The following LRRIQ1 variants were observed in gnomAD, a reference collection of about 807,000 sequenced individuals.
LRRIQ1 encodes leucine rich repeats and IQ motif containing 1.
A neutral mutation model predicts 211.9 loss-of-function variants in LRRIQ1; 210 were observed. The observed-to-expected ratio is 0.99, with a 90% CI of 0.89 to 1.11. The LOEUF (loss-of-function observed/expected upper bound fraction) is 1.11. Ranked by LOEUF, LRRIQ1 falls within the 50% of genes most tolerant of loss-of-function variation. The pLI, the probability that LRRIQ1 is intolerant of heterozygous loss-of-function variation, is 0.00. For synonymous variants in LRRIQ1, 699 were observed against 650.1 expected (o/e 1.08, Z -1.14); for missense variants, 2,136 against 1,939.5 (o/e 1.10, Z -1.90).
chr12:85,192,275 G>A (rs999922541), intron 24 of LRRIQ1, among the ~76,000 whole-genome samples: 7 of 149,472 alleles, frequency 4.7e-5, no homozygotes, highest in Non-Finnish European at 7.4e-5. Flanking sequence ...TTCTGTTCCT[G>A]TGTTAGTTTG....
intron 11 of LRRIQ1, among the ~76,000 whole-genome samples, chr12:85,086,261 C>G (rs3913013): frequency 0.22 from 33,261 of 151,846 alleles, 4,273 homozygotes; most frequent in Admixed American, 0.31. Flanking sequence ...TTGTTCCTAC[C>G]CAAATCTCAT....
intron 15 of LRRIQ1, among the ~76,000 whole-genome samples, chr12:85,109,700 T>C (rs2136339720): frequency 6.6e-6 from 1 of 152,272 alleles, no homozygotes; most frequent in African/African-American, 2.4e-5. Context: ...AACCTAGGAA[T>C]GGTGTTCAGT....
At chr12:85,096,235 T>A (rs1885868613) in intron 11 of LRRIQ1, among the ~76,000 whole-genome samples, 1 of 152,160 alleles carries the variant, frequency 6.6e-6, no homozygotes, top group Non-Finnish European at 1.5e-5. Context: ...GTATTCTAGT[T>A]CCAGTAGGCA....
In LRRIQ1 at chr12:85,104,053, G is replaced by C; in HGVS notation, c.3259G>C (p.Asp1087His). The C allele has an allele frequency of 6.4e-7, 1 of 1,560,026 alleles. No individual in the cohort carries two copies. Among genetic ancestry groups the C allele is most frequent in the Non-Finnish European group, 8.7e-7 (1 of 1,152,436 alleles). ...LFHFVSLEKL[D>H]VSHNCLSDLK... ...TCATTTTGTTTCATTGGAAAAGCTA[G>C]ATGTCAGCCACAATTGTCTTTCTGG... The change falls in exon 14 of 27, where the codon GAT becomes CAT. Residue 1087 changes from aspartate (D) to histidine (H), a missense_variant. Asp to His is a moderately conservative substitution (Grantham distance 81, BLOSUM62 -1). Transcript: ENST00000393217.
intron 24 of LRRIQ1, among the ~76,000 whole-genome samples, chr12:85,201,561 T>C (rs1021686471): frequency 6.6e-6 from 1 of 152,130 alleles, no homozygotes; most frequent in African/African-American, 2.4e-5. Flanking sequence ...GTAGGTTTTC[T>C]AGTTTGTGTG....
rs1418522341 is a variant in LRRIQ1 at position 85,055,981 on chromosome 12, A to G, written c.1188A>G (p.Ile396Met). ...LREDASQQLI[I>M]SSALKKSGYN... ...AAGATGCAAGCCAACAGCTAATAAT[A>G]AGTAGTGCATTAAAGAAGAGCGGAT... Residue 396 changes from isoleucine to methionine, a missense_variant, in exon 8 of 27, where the codon ATA (isoleucine) becomes ATG (methionine). Ile to Met is a conservative substitution (Grantham distance 10, BLOSUM62 1). Coordinates refer to ENST00000393217, the MANE Select transcript of LRRIQ1 (RefSeq NM_001079910.2). 30 of 1,609,598 alleles carry G rather than the reference A, an allele frequency of 1.9e-5. No individual in the cohort carries two copies. Among genetic ancestry groups the G allele is most frequent in the Non-Finnish European group, 2.3e-5 (27 of 1,177,942 alleles).
chr12:85,241,286 T>C (rs943076973), intron 26 of LRRIQ1, among the ~76,000 whole-genome samples: 2 of 152,054 alleles, frequency 1.3e-5, no homozygotes, highest in Non-Finnish European at 1.5e-5. Context: ...ATGTACATTA[T>C]GTCTTTTAAA....
At position 85,104,019 on chromosome 12, in the gene LRRIQ1, A is replaced by C; in HGVS notation, c.3225A>C (p.Val1075=). The change falls in exon 14 of 27, where the codon GTA becomes GTC. Residue 1075 remains valine, a synonymous_variant. Coordinates refer to ENST00000393217, the MANE Select transcript of LRRIQ1 (RefSeq NM_001079910.2). The part of the protein sequence containing the change: ...TISQNSLTKI[V]PLFHFVSLEK... ...TTGTTTTCAGCTTGACTAAAATCGT[A>C]CCACTTTTTCATTTTGTTTCATTGG... 1 of 1,567,970 alleles carries C rather than the reference A, an allele frequency of 6.4e-7. No individual in the cohort carries two copies. Among genetic ancestry groups the C allele is most frequent in the Non-Finnish European group, 8.6e-7 (1 of 1,157,008 alleles).
rs1161443022 is a variant in LRRIQ1 at position 85,056,402 on chromosome 12, G to A, written c.1609G>A (p.Glu537Lys). ...AGAATTAAAGTCTGATGCACAAAAA[G>A]AAGAAAAAATCATGAAACATGTCAT... ...LQELKSDAQK[E>K]EKIMKHVINE... The change falls in exon 8 of 27, where the codon GAA (glutamate) becomes AAA (lysine). Residue 537 changes from glutamate (E) to lysine (K), a missense_variant. Coordinates refer to ENST00000393217, the MANE Select transcript of LRRIQ1 (RefSeq NM_001079910.2). 6.3e-7 allele frequency: 1 copy of A among 1,586,820 alleles called. No individual in the cohort carries two copies. The highest frequency in any genetic ancestry group is 8.5e-7 in the Non-Finnish European group (1 of 1,172,852).
chr12:85,233,831 A>G (rs910437634), intron 26 of LRRIQ1, among the ~76,000 whole-genome samples: 1 of 152,304 alleles, frequency 6.6e-6, no homozygotes, highest in African/African-American at 2.4e-5. Flanking sequence ...GGCCATTAAC[A>G]CTACACATAT....
intron 23 of LRRIQ1, among the ~76,000 whole-genome samples, chr12:85,154,556 G>T (rs1467967012): frequency 3.3e-5 from 5 of 151,158 alleles, no homozygotes; most frequent in Non-Finnish European, 7.4e-5. Flanking sequence ...TATATTTTAT[G>T]ATTTTGTAGG....
chr12:85,213,800 ATAAT>A (rs1893951148), intron 24 of LRRIQ1, among the ~76,000 whole-genome samples: 1 of 152,056 alleles, frequency 6.6e-6, no homozygotes, highest in South Asian at 2.1e-4. Context: ...GTAGACAACA[ATAAT>A]TAATGAAATA....
chr12:85,066,896 T>C lies in LRRIQ1; in HGVS notation c.2693T>C (p.Ile898Thr), dbSNP rs199934500. ...CTTTCATATAATAAAATTACTCGAATTGGTAAGAACAATGAAATTTTAATA... is the reference window on the plus strand; with the variant it reads ...CTTTCATATAATAAAATTACTCGAACTGGTAAGAACAATGAAATTTTAATA... ...LELSYNKITR[I>T]GYSFFLEEKL... The change falls in exon 10 of 27, where the codon ATT becomes ACT. Residue 898 changes from isoleucine (I) to threonine (T), a missense_variant and splice_region_variant. Transcript: ENST00000393217. The C allele has an allele frequency of 5.5e-6, 8 of 1,466,796 alleles. No homozygotes were observed. In the East Asian group the frequency reaches 1.7e-4, roughly 30 times the overall value. 90.9% of individuals were successfully genotyped at this position (1,466,796 alleles called of 1,614,324 possible).
At chr12:85,252,599 G>A (rs1417331868) in intron 1 of LRRIQ1, among the ~76,000 whole-genome samples, 1 of 151,622 alleles carries the variant, frequency 6.6e-6, no homozygotes. Flanking sequence ...TTCTGTGAAA[G>A]GTGACCTTGG....
chr12:85,190,879 C>T (rs897707249), intron 24 of LRRIQ1, among the ~76,000 whole-genome samples: 3 of 151,918 alleles, frequency 2.0e-5, no homozygotes, highest in Non-Finnish European at 1.5e-5. Context: ...CCATATGAAA[C>T]AGACTTTCTC....
intron 11 of LRRIQ1, among the ~76,000 whole-genome samples, chr12:85,088,534 G>A (rs908703350): frequency 1.6e-4 from 24 of 152,126 alleles, no homozygotes; most frequent in African/African-American, 5.6e-4. Context: ...AATTACCTTG[G>A]GCAGTATGGC....
chr12:85,059,309 T>C (rs767023844), intron 8 of LRRIQ1, among the ~76,000 whole-genome samples: 4 of 152,006 alleles, frequency 2.6e-5, no homozygotes, highest in Admixed American at 6.6e-5. Flanking sequence ...TGTTCATACT[T>C]CTTTACACAT....
chr12:85,267,463 T>C (rs111275270), downstream of LRRIQ1, among the ~76,000 whole-genome samples: 280 of 152,168 alleles, frequency 1.8e-3, 2 homozygotes, highest in African/African-American at 6.4e-3. Context: ...ATGTAGCTAT[T>C]TGTAAATGTT....
At chr12:85,226,981 A>G (rs571259315) in intron 24 of LRRIQ1, among the ~76,000 whole-genome samples, 4 of 152,246 alleles carry the variant, frequency 2.6e-5, no homozygotes, top group East Asian at 1.9e-4. Context: ...TAGTGCCACA[A>G]TAAACATACA....
Sources: gnomAD v4.1 joint callset for allele counts (sites outside exome capture counted in the v4.1 genomes callset) on GRCh38, gnomAD v4.1.1 for gene constraint, MANE v1.5 for transcripts, NCBI Gene and HGNC (gene_info 2026-07-23, HGNC 2026-07-21) for gene names.